Variants in TBC1D20 observed in about 807,000 individuals in gnomAD.
TBC1D20 encodes the protein chromosome 20 open reading frame 140.
Under a neutral mutation model 41.6 loss-of-function variants are expected in TBC1D20, and 12 were observed. The ratio of observed to expected loss-of-function variants is 0.29; its 90% CI spans 0.18 to 0.47. TBC1D20 has a LOEUF of 0.47. Among genes scored for constraint, TBC1D20 ranks in the 20% least tolerant of loss-of-function variants. The pLI, the probability that TBC1D20 is intolerant of heterozygous loss-of-function variation, is 1.00. For synonymous variants in TBC1D20, 205 were observed against 204.8 expected, an observed-to-expected ratio of 1.00 and a Z score of -0.01; for missense variants, 421 against 517.4, an observed-to-expected ratio of 0.81 and a Z score of 1.81.
intron 1 of TBC1D20, 44 bp downstream of exon 1, chr20:462,292 C>T (rs1568471920): frequency 3.2e-6 from 4 of 1,239,422 alleles, no homozygotes; most frequent in South Asian, 2.4e-5. Context: ...GCCCCCCGGG[C>T]CGCCCTCGCA....
intron 2 of TBC1D20, among the ~76,000 whole-genome samples, chr20:447,121 G>GTAT (rs1555790004): frequency 1.4e-5 from 2 of 138,996 alleles, no homozygotes; most frequent in African/African-American, 5.5e-5. Flanking sequence ...GCTAATGTTC[G>GTAT]TATTTTTTTT....
In TBC1D20 at chr20:451,323, T is replaced by C. The variant is rs533584019; in HGVS notation, c.71-3249A>G. Among the ~76,000 whole-genome samples, 194 of 152,264 alleles carry C rather than the reference T, an allele frequency of 1.3e-3. 1 individual carries two copies. The highest frequency in any genetic ancestry group is 4.4e-3 in the African/African-American group (183 of 41,562). On this transcript the variant is annotated intron_variant, in intron 1 of 7. Coordinates refer to ENST00000354200, the MANE Select transcript of TBC1D20 (RefSeq NM_144628.4). ...ACTTTGGGAGGCCAAGGCAGGCAGA[T>C]CACCTGAGGTCAGGAGTTCGAGACC... is the stretch of plus-strand genomic sequence containing the variant.
chr20:451,296 G>A (rs991414103), intron 1 of TBC1D20, among the ~76,000 whole-genome samples: 1 of 152,158 alleles, frequency 6.6e-6, no homozygotes, highest in Non-Finnish European at 1.5e-5. Context: ...TGTAATCCCA[G>A]CACTTTGGGA....
intron 1 of TBC1D20, among the ~76,000 whole-genome samples, chr20:455,542 C>T (rs552928666): frequency 1.7e-4 from 26 of 152,076 alleles, no homozygotes; most frequent in African/African-American, 5.1e-4. Context: ...CGCTTGAACC[C>T]GGGAGGCGGA....
Position 438,690 on chromosome 20 carries a change from AT to A in TBC1D20, c.1107del (p.Lys369AsnfsTer4). The A allele has an allele frequency of 6.2e-7, 1 of 1,614,180 alleles. No individual in the cohort carries two copies. Among genetic ancestry groups the A allele is most frequent in the Non-Finnish European group, 8.5e-7 (1 of 1,180,024 alleles). ...GCCACTGTCAGCCCCATCACTGCCA[AT>A]TTCACAAAGCGGTTGGTCCTTGGCT... Reference protein sequence around the residue: ...LTKPRTNRFVKLAVMGLTVAL... With the variant: ...LTKPRTNRFVXLAVMGLTVAL... On this transcript the variant is annotated frameshift_variant, in exon 8 of 8. Coordinates refer to ENST00000354200, the MANE Select transcript of TBC1D20 (RefSeq NM_144628.4). LOFTEE classifies it high-confidence loss of function.
Position 437,897 on chromosome 20 carries a change from A to G in TBC1D20, c.*689T>C, listed in dbSNP as rs1300990983. ...CAATGTTGTGTGGCTTGTAGAAGAA[A>G]GCAGGGAGGAAAAAAAGGCAGGCAA... On this transcript the variant is annotated 3_prime_UTR_variant, in exon 8 of 8. Coordinates refer to ENST00000354200, the MANE Select transcript of TBC1D20 (RefSeq NM_144628.4). 3 of 153,666 alleles carry G rather than the reference A, an allele frequency of 2.0e-5. No homozygotes were observed. In the East Asian group the frequency reaches 5.8e-4, roughly 30 times the overall value. The allele number at this position is 153,666 out of a possible 1,614,324, so 9.5% of individuals were successfully genotyped here.
At chr20:462,263 G>A in intron 1 of TBC1D20, 73 bp downstream of exon 1, 3 of 1,091,010 alleles carry the variant, frequency 2.7e-6, no homozygotes, top group South Asian at 3.8e-5. Flanking sequence ...CTCCGGCGCC[G>A]CCTCCGCCAG....
chr20:446,943 A>ATTTTTTTT (rs35489596), intron 2 of TBC1D20, among the ~76,000 whole-genome samples: 1 of 75,888 alleles, frequency 1.3e-5, no homozygotes, highest in Non-Finnish European at 2.4e-5. Flanking sequence ...CAAAATACGC[A>ATTTTTTTT]TTTTTTTTTT....
chr20:441,751 G>A (rs564607438), intron 4 of TBC1D20, 62 bp from the exon 5 acceptor site: 27 of 1,596,048 alleles, frequency 1.7e-5, no homozygotes, highest in Middle Eastern at 1.7e-4. Context: ...TCAGGGTGGC[G>A]AGGGCTCAAA....
Position 451,722 on chromosome 20 carries a change from A to G in TBC1D20, c.71-3648T>C, listed in dbSNP as rs77165575. Among the ~76,000 whole-genome samples the G allele has an allele frequency of 8.0e-3, 1,215 of 152,260 alleles. 5 individuals are homozygous for G. Among genetic ancestry groups the G allele is most frequent in the Non-Finnish European group, 0.014 (950 of 68,026 alleles). ...GCAAAGCCCATTCTGCTGGAGTGGA[A>G]AAGTCCAATGCCTTGATGCCAGGGT... On this transcript the variant is annotated intron_variant, in intron 1 of 7. Coordinates refer to ENST00000354200, the MANE Select transcript of TBC1D20 (RefSeq NM_144628.4).
intron 5 of TBC1D20, 194 bp downstream of exon 5, chr20:441,394 C>A: frequency 1.7e-6 from 1 of 586,368 alleles, no homozygotes; most frequent in South Asian, 2.0e-5. Context: ...CTATGTCCCC[C>A]AAAGAGCACA....
chr20:460,935 G>A (rs1215015934), intron 1 of TBC1D20, among the ~76,000 whole-genome samples: 2 of 152,236 alleles, frequency 1.3e-5, no homozygotes, highest in Non-Finnish European at 2.9e-5. Flanking sequence ...TGACTGTTAT[G>A]CCATGAGGAC....
At chr20:442,286 A>C (rs1052254651) in intron 3 of TBC1D20, among the ~76,000 whole-genome samples, 1 of 152,262 alleles carries the variant, frequency 6.6e-6, no homozygotes, top group African/African-American at 2.4e-5. Context: ...TACTGCTGGG[A>C]CACAGTATTT....
chr20:442,571 C>T (rs572603945), intron 3 of TBC1D20, among the ~76,000 whole-genome samples: 5 of 152,122 alleles, frequency 3.3e-5, no homozygotes, highest in African/African-American at 9.7e-5. Context: ...GCACATTACT[C>T]GAAGAAATGG....
Position 439,431 on chromosome 20 carries a change from T to C in TBC1D20, c.769-136A>G. ...AGCCCAAATGTTGAGCAAACTCTTG[T>C]ATCCATCAAGGAAGTAATAACATAT... is the stretch of plus-strand genomic sequence containing the variant. On this transcript the variant is annotated intron_variant, in intron 6 of 7. Coordinates refer to ENST00000354200, the MANE Select transcript of TBC1D20 (RefSeq NM_144628.4). This position sits in a 1 kb window ranked among gnomAD's most constrained non-coding sequence, Gnocchi z 4.6. 1 of 642,994 alleles carries C rather than the reference T, an allele frequency of 1.6e-6. No homozygotes were observed. 39.8% of individuals were successfully genotyped at this position (642,994 alleles called of 1,614,324 possible). A position where few individuals can be genotyped will look rare whatever the true frequency, so the allele number is the denominator to read the frequency against.
In TBC1D20 at chr20:436,690, G is replaced by T. The variant is rs73894922; in HGVS notation, c.*1896C>A. ...AATATCTGCCGCATCATCACCTCTGGAAGAATTTCCTTTGCCCTGATGAAT... is the reference window on the plus strand; with the variant it reads ...AATATCTGCCGCATCATCACCTCTGTAAGAATTTCCTTTGCCCTGATGAAT... On this transcript the variant is annotated 3_prime_UTR_variant, in exon 8 of 8. Transcript: ENST00000354200. 6.5e-6 allele frequency: 1 copy of T among 153,808 alleles called. No homozygotes were observed. The highest frequency in any genetic ancestry group is 2.4e-5 in the African/African-American group (1 of 41,550). 9.5% of individuals were successfully genotyped at this position (153,808 alleles called of 1,614,324 possible).
intron 2 of TBC1D20, among the ~76,000 whole-genome samples, chr20:445,734 A>G (rs2122395913): frequency 6.6e-6 from 1 of 152,332 alleles, no homozygotes; most frequent in Middle Eastern, 3.4e-3. Context: ...TATACATATA[A>G]CAAGTGTACA....
chr20:454,221 T>C (rs1192112286), intron 1 of TBC1D20, among the ~76,000 whole-genome samples: 15 of 127,056 alleles, frequency 1.2e-4, no homozygotes, highest in Non-Finnish European at 1.8e-4. Context: ...CTAGCCTGGG[T>C]GACAAGTTCT....
intron 1 of TBC1D20, among the ~76,000 whole-genome samples, chr20:454,880 C>G (rs573864545): frequency 6.6e-6 from 1 of 152,074 alleles, no homozygotes; most frequent in Admixed American, 6.6e-5. Flanking sequence ...TTCACCATGC[C>G]AGGCTGGTCT....
Sources: gnomAD v4.1 joint callset for allele counts (sites outside exome capture counted in the v4.1 genomes callset) on GRCh38, gnomAD v4.1.1 for gene constraint, Gnocchi (gnomAD v3.1) non-coding constraint, MANE v1.5 for transcripts, NCBI Gene and HGNC (gene_info 2026-07-23, HGNC 2026-07-21) for gene names.